PRKN: variants seen among roughly 807,000 people sequenced by gnomAD.
The protein encoded by PRKN is parkin RBR E3 ubiquitin protein ligase.
PRKN carries 56 observed loss-of-function variants against 59.5 expected under a neutral mutation model. The observed-to-expected ratio is 0.94, with a 90% CI of 0.76 to 1.18. The LOEUF (loss-of-function observed/expected upper bound fraction) is 1.18, where lower values mean the gene tolerates loss of function less well. Ranked by LOEUF, PRKN falls within the 50% of genes most tolerant of loss-of-function variation. The probability of loss-of-function intolerance (pLI) is 0.00; values close to 1 mark genes in which losing one functional copy is unlikely to be tolerated. For missense variants in PRKN, 657 were observed against 596.4 expected, an observed-to-expected ratio of 1.10 and a Z score of -1.06; for synonymous variants, 250 against 222.1, an observed-to-expected ratio of 1.13 and a Z score of -1.12.
At chr6:161,469,714 C>G (rs376537072) in intron 9 of PRKN, among the ~76,000 whole-genome samples, 1 of 152,188 alleles carries the variant, frequency 6.6e-6, no homozygotes, top group African/African-American at 2.4e-5. Context: ...GATTCTCCCC[C>G]ACAGCCTCCA....
chr6:161,728,063 A>G (rs992936725), intron 7 of PRKN, among the ~76,000 whole-genome samples: 1 of 152,148 alleles, frequency 6.6e-6, no homozygotes, highest in Non-Finnish European at 1.5e-5. Flanking sequence ...AATTTCCAAG[A>G]GCGAAAGGTT....
chr6:162,291,869 A>G (rs1211954182), intron 2 of PRKN, among the ~76,000 whole-genome samples: 6 of 152,098 alleles, frequency 3.9e-5, no homozygotes, highest in African/African-American at 1.4e-4. Context: ...ATGTTCTAAT[A>G]TAGAGCAAAC....
At chr6:162,261,687 A>G (rs1779893451) in intron 3 of PRKN, among the ~76,000 whole-genome samples, 2 of 152,116 alleles carry the variant, frequency 1.3e-5, no homozygotes, top group African/African-American at 4.8e-5. Flanking sequence ...TCTCAAGATC[A>G]CCAGAGCATC....
intron 1 of PRKN, among the ~76,000 whole-genome samples, chr6:162,620,338 T>A (rs542690071): frequency 1.8e-4 from 28 of 152,170 alleles, no homozygotes; most frequent in Non-Finnish European, 3.2e-4. Flanking sequence ...CACCTTCTGG[T>A]TATTGTTAAT....
chr6:162,134,391 G>C (rs1781488786), intron 4 of PRKN, among the ~76,000 whole-genome samples: 1 of 152,120 alleles, frequency 6.6e-6, no homozygotes, highest in South Asian at 2.1e-4. Context: ...TGTTTTGTTT[G>C]TTTATTTGGT....
chr6:161,767,385 C>A (rs1000955822), intron 7 of PRKN, among the ~76,000 whole-genome samples: 1 of 152,114 alleles, frequency 6.6e-6, no homozygotes, highest in East Asian at 1.9e-4. Flanking sequence ...GGTGTGGTGG[C>A]GGGCGCCTGT....
At chr6:162,084,926 G>A (rs142812551) in intron 4 of PRKN, among the ~76,000 whole-genome samples, 1 of 151,884 alleles carries the variant, frequency 6.6e-6, no homozygotes, top group African/African-American at 2.4e-5. Flanking sequence ...TCAGTAACCT[G>A]AACTTCATTT....
At chr6:161,721,408 T>C (rs568383794) in intron 7 of PRKN, among the ~76,000 whole-genome samples, 9 of 152,336 alleles carry the variant, frequency 5.9e-5, no homozygotes, top group Admixed American at 2.6e-4. Context: ...GCCTTGCCCA[T>C]GGCTTTCCTC....
intron 6 of PRKN, among the ~76,000 whole-genome samples, chr6:161,879,554 A>G (rs1359412852): frequency 6.6e-6 from 1 of 151,836 alleles, no homozygotes; most frequent in Non-Finnish European, 1.5e-5. Context: ...CACCGTGTTA[A>G]CCAGGATGGT....
chr6:162,149,521 G>A (rs1782173184), intron 4 of PRKN, among the ~76,000 whole-genome samples: 1 of 152,118 alleles, frequency 6.6e-6, no homozygotes, highest in African/African-American at 2.4e-5. Flanking sequence ...AGGGATTATA[G>A]GCACGAACCA....
chr6:162,072,658 A>G (rs151032551), intron 4 of PRKN, among the ~76,000 whole-genome samples: 2 of 152,314 alleles, frequency 1.3e-5, no homozygotes, highest in Non-Finnish European at 2.9e-5. Context: ...CCTGATTTCA[A>G]AGCAATGAGG....
chr6:161,906,345 T>C (rs553097755), intron 6 of PRKN, among the ~76,000 whole-genome samples: 1 of 152,206 alleles, frequency 6.6e-6, no homozygotes, highest in Non-Finnish European at 1.5e-5. Context: ...GGAATCCATG[T>C]TGAAAGAAAC....
chr6:162,180,609 C>T lies in PRKN; in HGVS notation c.534+20522G>A, dbSNP rs115606159. On this transcript the variant is annotated intron_variant, in intron 4 of 11. Coordinates refer to ENST00000366898, the MANE Select transcript of PRKN (RefSeq NM_004562.3). ...ACTGTGATAATGTGACAATCCCAAA[C>T]GAATCTTTTCTCCTCCTTTTTCATA... Among the ~76,000 whole-genome samples, 525 of 152,264 alleles carry T rather than the reference C, an allele frequency of 3.4e-3. 3 individuals are homozygous for T. Among genetic ancestry groups the T allele is most frequent in the African/African-American group, 0.012 (489 of 41,536 alleles).
intron 7 of PRKN, among the ~76,000 whole-genome samples, chr6:161,616,061 A>G (rs1379110906): frequency 6.6e-6 from 1 of 151,846 alleles, no homozygotes; most frequent in Non-Finnish European, 1.5e-5. Context: ...CCTCCTAGCT[A>G]CCACCCCTTG....
At chr6:161,820,469 TTA>T (rs1168959615) in intron 6 of PRKN, among the ~76,000 whole-genome samples, 8 of 148,544 alleles carry the variant, frequency 5.4e-5, no homozygotes, top group Admixed American at 2.0e-4. Context: ...ATGTTAAAGT[TTA>T]TATGTTTATA....
intron 1 of PRKN, among the ~76,000 whole-genome samples, chr6:162,518,208 TAAC>T (rs1300198326): frequency 6.6e-6 from 1 of 152,278 alleles, no homozygotes; most frequent in East Asian, 1.9e-4. Flanking sequence ...GAATTTTCAT[TAAC>T]AAAATAATAG....
At chr6:161,436,732 T>C (rs1013465715) in intron 9 of PRKN, among the ~76,000 whole-genome samples, 3 of 152,068 alleles carry the variant, frequency 2.0e-5, no homozygotes, top group Non-Finnish European at 2.9e-5. Context: ...GGCATGTCTA[T>C]ACACAGGCCA....
intron 2 of PRKN, among the ~76,000 whole-genome samples, chr6:162,350,683 A>G (rs1047316217): frequency 2.6e-5 from 4 of 152,208 alleles, no homozygotes; most frequent in African/African-American, 9.6e-5. Context: ...ACAATTGATC[A>G]TAGTCTTAAA....
At chr6:161,741,556 C>G (rs1788184738) in intron 7 of PRKN, among the ~76,000 whole-genome samples, 1 of 152,110 alleles carries the variant, frequency 6.6e-6, no homozygotes, top group South Asian at 2.1e-4. Flanking sequence ...CAGTCAGGTT[C>G]TTCATCCTTC....
Sources: gnomAD v4.1 joint callset for allele counts (sites outside exome capture counted in the v4.1 genomes callset) on GRCh38, gnomAD v4.1.1 for gene constraint, MANE v1.5 for transcripts, NCBI Gene and HGNC (gene_info 2026-07-23, HGNC 2026-07-21) for gene names.